Variants in SERPINB4 observed in about 807,000 individuals in gnomAD.
SERPINB4 encodes the protein serpin B4.
A neutral mutation model predicts 33.2 loss-of-function variants in SERPINB4; 39 were observed. The ratio of observed to expected loss-of-function variants is 1.18; its 90% CI spans 0.91 to 1.53. The LOEUF (loss-of-function observed/expected upper bound fraction) is 1.53, where lower values mean the gene tolerates loss of function less well. Ranked by LOEUF, SERPINB4 falls within the 40% of genes most tolerant of loss-of-function variation. The probability of loss-of-function intolerance (pLI) is 0.00; values close to 1 mark genes in which losing one functional copy is unlikely to be tolerated. For synonymous variants in SERPINB4, 191 were observed against 166.4 expected, an observed-to-expected ratio of 1.15 and a Z score of -1.14; for missense variants, 564 against 455.4, an observed-to-expected ratio of 1.24 and a Z score of -2.17.
Position 63,639,210 on chromosome 18 carries a change from G to A in SERPINB4, c.743C>T (p.Pro248Leu). ...CTTCTGCAGACCATCGATTTCATTT[G>A]GCAGCAGCACAATCATGCTTAGATC... ...GKDLSMIVLL[P>L]NEIDGLQKLE... Residue 248 changes from proline (P) to leucine (L), a missense_variant, in exon 7 of 8, where the codon CCA becomes CTA. Physicochemically the swap from Pro to Leu is moderately conservative, Grantham distance 98. Coordinates refer to ENST00000341074, the MANE Select transcript of SERPINB4 (RefSeq NM_002974.4). 1 of 1,609,330 alleles carries A rather than the reference G, an allele frequency of 6.2e-7. No individual in the cohort carries two copies. The highest frequency in any genetic ancestry group is 8.5e-7 in the Non-Finnish European group (1 of 1,176,926).
intron 1 of SERPINB4, 86 bp from the exon 2 acceptor site, chr18:63,643,689 T>G: frequency 7.0e-7 from 1 of 1,433,050 alleles, no homozygotes. Context: ...AAATGATATA[T>G]CTGGGTTGTG....
chr18:63,639,084 T>G lies in SERPINB4; in HGVS notation c.768+101A>C, dbSNP rs1432228454. 3 of 1,355,832 alleles carry G rather than the reference T, an allele frequency of 2.2e-6. No individual in the cohort carries two copies. The East Asian group carries it at 7.2e-5, about 33-fold the overall frequency. The allele number at this position is 1,355,832 out of a possible 1,614,324, so 84.0% of individuals were successfully genotyped here. A position where few individuals can be genotyped will look rare whatever the true frequency, so the allele number is the denominator to read the frequency against. ...ATTCCTCATTTAGAATTTTTCATCA[T>G]TTTGAGGCAACTCGGTCATAAGCTT... On this transcript the variant is annotated intron_variant, in intron 7 of 7. Transcript: ENST00000341074.
In SERPINB4 at chr18:63,637,657, A is replaced by G. The variant is rs1341461255; in HGVS notation, c.*62T>C. ...CCAAGAGAATCTGTTGTTGCCAGCA[A>G]TCAGTTTACCAGAACACCTCTAGGT... On this transcript the variant is annotated 3_prime_UTR_variant, in exon 8 of 8. Transcript: ENST00000341074. 5.4e-6 allele frequency: 8 copies of G among 1,486,514 alleles called. No homozygotes were observed. In the African/African-American group the frequency reaches 9.9e-5, roughly 18 times the overall value. The allele number at this position is 1,486,514 out of a possible 1,614,324, so 92.1% of individuals were successfully genotyped here.
chr18:63,641,599 C>T (rs1394875742), intron 4 of SERPINB4, among the ~76,000 whole-genome samples, 161 bp downstream of exon 4: 1 of 152,094 alleles, frequency 6.6e-6, no homozygotes, highest in Non-Finnish European at 1.5e-5. Flanking sequence ...GTCTGGGACA[C>T]TCCAGTGGGG....
intron 4 of SERPINB4, among the ~76,000 whole-genome samples, chr18:63,641,528 C>T (rs143643589): frequency 6.6e-6 from 1 of 152,196 alleles, no homozygotes; most frequent in African/African-American, 2.4e-5. Context: ...CTCTATTACA[C>T]AACCTCCTCT....
chr18:63,640,255 T>C (rs1307357436), intron 5 of SERPINB4, among the ~76,000 whole-genome samples: 2 of 152,024 alleles, frequency 1.3e-5, no homozygotes, highest in African/African-American at 2.4e-5. Context: ...CAGACACTAC[T>C]TCCGGGGGTA....
chr18:63,643,105 T>G, intron 3 of SERPINB4, 56 bp downstream of exon 3: 1 of 1,608,548 alleles, frequency 6.2e-7, no homozygotes, highest in Non-Finnish European at 8.5e-7. Flanking sequence ...AGTTCCAGGT[T>G]TAAACTATGA....
chr18:63,640,649 T>A (rs1233494194), intron 5 of SERPINB4, among the ~76,000 whole-genome samples: 1 of 151,998 alleles, frequency 6.6e-6, no homozygotes, highest in African/African-American at 2.4e-5. Context: ...AAGCAAATAA[T>A]TCTCCAGATG....
At chr18:63,641,249 T>C (rs1273438328) in intron 4 of SERPINB4, among the ~76,000 whole-genome samples, 1 of 152,092 alleles carries the variant, frequency 6.6e-6, no homozygotes, top group Admixed American at 6.6e-5. Context: ...GTTTGCAAAC[T>C]GCAGAGCAGG....
intron 4 of SERPINB4, among the ~76,000 whole-genome samples, chr18:63,641,340 T>A (rs528616431): frequency 6.6e-6 from 1 of 152,244 alleles, no homozygotes; most frequent in African/African-American, 2.4e-5. Flanking sequence ...TGTTTTTGTC[T>A]TTCATCCTGT....
chr18:63,643,194 T>C lies in SERPINB4; in HGVS notation c.189A>G (p.Thr63=), dbSNP rs2144476552. ...TTGCAGCTTTTTCTGTGGTGTTCTCTGTGACTTGATCAAAGTGAAGAACCT... is the reference window on the plus strand; with the variant it reads ...TTGCAGCTTTTTCTGTGGTGTTCTCCGTGACTTGATCAAAGTGAAGAACCT... ...ISKVLHFDQV[T]ENTTEKAATY... is the part of the protein sequence containing the mutation. Residue 63 remains threonine, a synonymous_variant, in exon 3 of 8, where the codon ACA becomes ACG. Coordinates refer to ENST00000341074, the MANE Select transcript of SERPINB4 (RefSeq NM_002974.4). 1 of 1,613,440 alleles carries C rather than the reference T, an allele frequency of 6.2e-7. No individual in the cohort carries two copies. Among genetic ancestry groups the C allele is most frequent in the Non-Finnish European group, 8.5e-7 (1 of 1,179,598 alleles).
chr18:63,639,300 G>A lies in SERPINB4; in HGVS notation c.653C>T (p.Ser218Phe). 1 of 1,612,306 alleles carries A rather than the reference G, an allele frequency of 6.2e-7. No homozygotes were observed. Among genetic ancestry groups the A allele is most frequent in the Non-Finnish European group, 8.5e-7 (1 of 1,178,940 alleles). The change falls in exon 7 of 8, where the codon TCC becomes TTC. Residue 218 changes from serine (S) to phenylalanine (F), a missense_variant. By Grantham distance (155) the Ser-to-Phe change is radical. Transcript: ENST00000341074. ...ATCCTCCAGCAAGGCAAAATTAAAG[G>A]AATTGTATTGCCTCATCATCTGTAC... ...KSVQMMRQYN[S>F]FNFALLEDVQ...
In SERPINB4 at chr18:63,637,759, G is replaced by A. The variant is rs1912975655; in HGVS notation, c.1133C>T (p.Thr378Ile). 6.2e-7 allele frequency: 1 copy of A among 1,612,752 alleles called. No homozygotes were observed. The highest frequency in any genetic ancestry group is 1.7e-5 in the Admixed American group (1 of 59,896). The change falls in exon 8 of 8, where the codon ACC becomes ATC. Residue 378 changes from threonine (T) to isoleucine (I), a missense_variant. Coordinates refer to ENST00000341074, the MANE Select transcript of SERPINB4 (RefSeq NM_002974.4). ...PFLFFIRQNK[T>I]NSILFYGRFS... ...TCTGCCATAGAAGAGGATGCTGTTGGTCTTATTTTGCCTTATGAAGAATAG... is the reference window on the plus strand; with the variant it reads ...TCTGCCATAGAAGAGGATGCTGTTGATCTTATTTTGCCTTATGAAGAATAG...
chr18:63,642,668 C>T (rs1913174639), intron 3 of SERPINB4, among the ~76,000 whole-genome samples: 1 of 152,042 alleles, frequency 6.6e-6, no homozygotes, highest in Non-Finnish European at 1.5e-5. Flanking sequence ...TCCTCTGAAT[C>T]TCATTAATGA....
chr18:63,638,730 A>G (rs2144464199), intron 7 of SERPINB4, among the ~76,000 whole-genome samples: 1 of 147,450 alleles, frequency 6.8e-6, no homozygotes, highest in Non-Finnish European at 1.5e-5. Context: ...TAAGCCATAG[A>G]TGGAATTAAA....
At chr18:63,643,679 A>C in intron 1 of SERPINB4, 76 bp from the exon 2 acceptor site, 2 of 1,474,538 alleles carry the variant, frequency 1.4e-6, no homozygotes, top group Non-Finnish European at 1.8e-6. Flanking sequence ...TTTCTTAAAG[A>C]AATGATATAT....
At chr18:63,641,626 G>A (rs1211134633) in intron 4 of SERPINB4, 134 bp downstream of exon 4, 87 of 1,316,224 alleles carry the variant, frequency 6.6e-5, no homozygotes, top group Non-Finnish European at 9.1e-5. Context: ...TGTGGAAATG[G>A]AGCTAATGCA....
chr18:63,639,037 T>G lies in SERPINB4; in HGVS notation c.768+148A>C, dbSNP rs529095554. The G allele has an allele frequency of 4.5e-5, 40 of 894,944 alleles. No homozygotes were observed. The African/African-American group carries it at 6.7e-4, about 15-fold the overall frequency. The allele number at this position is 894,944 out of a possible 1,614,324, so 55.4% of individuals were successfully genotyped here. A position where few individuals can be genotyped will look rare whatever the true frequency, so the allele number is the denominator to read the frequency against. On this transcript the variant is annotated intron_variant, in intron 7 of 7. Transcript: ENST00000341074. ...GTGTCAGGCCCTATGCTCAAATATT[T>G]GTAATATGAAGGTGAGTCATCATTC...
chr18:63,641,044 T>C, intron 4 of SERPINB4, 53 bp from the exon 5 acceptor site: 10 of 1,442,106 alleles, frequency 6.9e-6, no homozygotes, highest in Non-Finnish European at 9.7e-6. Context: ...TGTAACTATA[T>C]ATTACCAAAC....
Sources: gnomAD v4.1 joint callset for allele counts (sites outside exome capture counted in the v4.1 genomes callset) on GRCh38, gnomAD v4.1.1 for gene constraint, MANE v1.5 for transcripts, NCBI Gene and HGNC (gene_info 2026-07-23, HGNC 2026-07-21) for gene names.